PTPN13: variants seen among roughly 807,000 people sequenced by gnomAD.
PTPN13 encodes the protein tyrosine-protein phosphatase non-receptor type 13.
A neutral mutation model predicts 284.0 loss-of-function variants in PTPN13; 191 were observed. The ratio of observed to expected loss-of-function variants is 0.67; its 90% CI spans 0.60 to 0.76. The LOEUF (loss-of-function observed/expected upper bound fraction) is 0.76. Ranked by LOEUF, PTPN13 falls within the 30% of genes least tolerant of loss-of-function variation. The probability of loss-of-function intolerance (pLI) is 0.00; values close to 1 mark genes in which losing one functional copy is unlikely to be tolerated. For synonymous variants in PTPN13, 986 were observed against 1,022.3 expected (o/e 0.96, Z 0.68); for missense variants, 2,797 against 2,939.9 (o/e 0.95, Z 1.12).
intron 1 of PTPN13, among the ~76,000 whole-genome samples, chr4:86,619,028 C>T (rs545224855): frequency 3.2e-4 from 49 of 152,090 alleles, no homozygotes; most frequent in Non-Finnish European, 6.0e-4. Flanking sequence ...GGAATGCTTC[C>T]AGTTTTTGCC....
chr4:86,744,890 T>C, intron 16 of PTPN13, 76 bp from the exon 17 acceptor site: 1 of 1,094,084 alleles, frequency 9.1e-7, no homozygotes. Context: ...TGTAAGTCAA[T>C]ATCCAGTGCC....
chr4:86,782,805 A>C (rs1358307052), intron 37 of PTPN13, among the ~76,000 whole-genome samples: 3 of 152,232 alleles, frequency 2.0e-5, no homozygotes, highest in African/African-American at 4.8e-5. Flanking sequence ...AGAGAAATCT[A>C]GGGGTGACTA....
chr4:86,611,640 C>T (rs1719897186), intron 1 of PTPN13, among the ~76,000 whole-genome samples: 1 of 152,174 alleles, frequency 6.6e-6, no homozygotes, highest in Non-Finnish European at 1.5e-5. Context: ...CTTATCACTA[C>T]CTCTACTTAC....
chr4:86,671,329 T>C (rs887253701), intron 2 of PTPN13, among the ~76,000 whole-genome samples: 9 of 152,312 alleles, frequency 5.9e-5, no homozygotes, highest in African/African-American at 1.2e-4. Context: ...GTCTTATCAT[T>C]TGACAGAGTG....
chr4:86,598,807 C>G (rs1333364462), intron 1 of PTPN13, among the ~76,000 whole-genome samples: 1 of 152,082 alleles, frequency 6.6e-6, no homozygotes, highest in Non-Finnish European at 1.5e-5. Flanking sequence ...CTCTGTCACC[C>G]AGGCTAGAAT....
At position 86,758,718 on chromosome 4, in the gene PTPN13, C is replaced by G. The variant is rs761488420; in HGVS notation, c.3354C>G (p.Asp1118Glu). The G allele has an allele frequency of 1.9e-6, 3 of 1,613,706 alleles. No homozygotes were observed. In the South Asian group the frequency reaches 3.3e-5, roughly 18 times the overall value. Residue 1118 changes from aspartate to glutamate, a missense_variant, in exon 22 of 48, where the codon GAC becomes GAG. Coordinates refer to ENST00000411767, the MANE Select transcript of PTPN13 (RefSeq NM_080683.3). ...IIGGEKMGRL[D>E]LGIFISSVAP... ...GTGGGGAGAAGATGGGAAGACTGGA[C>G]CTAGGCATATTTATCAGTTCAGTTG...
At chr4:86,641,744 C>T (rs979564408) in intron 2 of PTPN13, among the ~76,000 whole-genome samples, 7 of 152,112 alleles carry the variant, frequency 4.6e-5, no homozygotes, top group Non-Finnish European at 7.4e-5. Flanking sequence ...GTTACTAAAA[C>T]GTACAATCTG....
intron 4 of PTPN13, among the ~76,000 whole-genome samples, chr4:86,688,460 A>G (rs2148955981): frequency 6.6e-6 from 1 of 152,174 alleles, no homozygotes; most frequent in South Asian, 2.1e-4. Flanking sequence ...ATAATATTCT[A>G]CAAAATACGT....
At chr4:86,708,731 C>G (rs1156965649) in intron 7 of PTPN13, among the ~76,000 whole-genome samples, 1 of 152,080 alleles carries the variant, frequency 6.6e-6, no homozygotes, top group Non-Finnish European at 1.5e-5. Flanking sequence ...CCTTGTCTCT[C>G]CATTTGTCTC....
intron 1 of PTPN13, among the ~76,000 whole-genome samples, chr4:86,617,420 A>AT (rs898361378): frequency 6.6e-6 from 1 of 151,952 alleles, no homozygotes; most frequent in African/African-American, 2.4e-5. Context: ...TTTTATTTTT[A>AT]TTTTTTTACT....
intron 2 of PTPN13, among the ~76,000 whole-genome samples, chr4:86,671,728 T>G (rs1727739624): frequency 6.6e-6 from 1 of 152,166 alleles, no homozygotes; most frequent in African/African-American, 2.4e-5. Context: ...GTAAATAAGA[T>G]AAAATCTAAA....
chr4:86,756,789 A>T (rs762805345), intron 20 of PTPN13, among the ~76,000 whole-genome samples: 1 of 152,172 alleles, frequency 6.6e-6, no homozygotes, highest in Non-Finnish European at 1.5e-5. Context: ...TTTTAAGTCC[A>T]TGGGTGGTTA....
rs140774708 is a variant in PTPN13, at chr4:86,600,089, A to G, written c.-6+5300A>G. Among the ~76,000 whole-genome samples the G allele has an allele frequency of 4.4e-3, 674 of 152,266 alleles. 4 individuals are homozygous for G. Among genetic ancestry groups the G allele is most frequent in the African/African-American group, 0.015 (636 of 41,566 alleles). ...TGAGCTTTCAACAGAAAACTGTTTT[A>G]TTAGTTTTAACATGAGCATAAAGGT... On this transcript the variant is annotated intron_variant, in intron 1 of 47. Coordinates refer to ENST00000411767, the MANE Select transcript of PTPN13 (RefSeq NM_080683.3).
intron 4 of PTPN13, among the ~76,000 whole-genome samples, chr4:86,688,270 G>A (rs1391551094): frequency 1.3e-5 from 2 of 152,124 alleles, no homozygotes; most frequent in Non-Finnish European, 2.9e-5. Context: ...TTAAACTCCC[G>A]TCAGCTTGGA....
At chr4:86,638,507 C>A (rs1049155759) in intron 2 of PTPN13, among the ~76,000 whole-genome samples, 1 of 152,036 alleles carries the variant, frequency 6.6e-6, no homozygotes, top group Non-Finnish European at 1.5e-5. Context: ...CTGAACAGAG[C>A]CCTCAGAAAT....
At chr4:86,679,614 G>T (rs961409192) in intron 3 of PTPN13, among the ~76,000 whole-genome samples, 4 of 152,228 alleles carry the variant, frequency 2.6e-5, no homozygotes, top group African/African-American at 7.2e-5. Flanking sequence ...ATTTGGCAAT[G>T]AGTAAAAATA....
chr4:86,705,333 C>CAAAAAAAAAAAAAAAAAA (rs759784072), intron 7 of PTPN13, among the ~76,000 whole-genome samples: 5 of 95,380 alleles, frequency 5.2e-5, no homozygotes, highest in South Asian at 3.2e-4. Context: ...GACTCCGTCT[C>CAAAAAAAAAAAAAAAAAA]AAAAAAAAAA....
intron 42 of PTPN13, among the ~76,000 whole-genome samples, chr4:86,803,102 GTA>G (rs1554349929): frequency 3.4e-5 from 5 of 148,378 alleles, no homozygotes; most frequent in African/African-American, 1.0e-4. Context: ...GTGTGTGTGT[GTA>G]TAAAATAAAA....
chr4:86,730,630 C>A (rs1386652984), intron 10 of PTPN13, among the ~76,000 whole-genome samples: 1 of 149,882 alleles, frequency 6.7e-6, no homozygotes, highest in Non-Finnish European at 1.5e-5. Context: ...GGGAGAAAAT[C>A]TGGTCTGCCA....
Sources: gnomAD v4.1 joint callset for allele counts (sites outside exome capture counted in the v4.1 genomes callset) on GRCh38, gnomAD v4.1.1 for gene constraint, MANE v1.5 for transcripts, NCBI Gene and HGNC (gene_info 2026-07-23, HGNC 2026-07-21) for gene names.